MEI4: variants seen among roughly 807,000 people sequenced by gnomAD.
The protein encoded by MEI4 is meiosis-specific protein MEI4.
A neutral mutation model predicts 31.4 loss-of-function variants in MEI4; 27 were observed. The ratio of observed to expected loss-of-function variants is 0.86; its 90% CI spans 0.63 to 1.19. The LOEUF is 1.19. Ranked by LOEUF, MEI4 falls within the 50% of genes most tolerant of loss-of-function variation. MEI4 has a pLI of 0.00. For missense variants in MEI4, 329 were observed against 398.9 expected (o/e 0.82, Z 1.49); for synonymous variants, 122 against 145.4 (o/e 0.84, Z 1.16).
At chr6:77,871,181 G>A (rs557286914) in intron 4 of MEI4, among the ~76,000 whole-genome samples, 1 of 152,024 alleles carries the variant, frequency 6.6e-6, no homozygotes, top group Non-Finnish European at 1.5e-5. Context: ...TAAATGAAGA[G>A]ACCTCAAGTC....
At chr6:77,788,978 G>C (rs776412504) in intron 3 of MEI4, among the ~76,000 whole-genome samples, 20 of 152,140 alleles carry the variant, frequency 1.3e-4, no homozygotes, top group Non-Finnish European at 2.6e-4. Context: ...AAAGCTGGAG[G>C]CATCACACTA....
intron 4 of MEI4, among the ~76,000 whole-genome samples, chr6:77,838,843 C>T (rs1770286589): frequency 6.6e-6 from 1 of 151,588 alleles, no homozygotes; most frequent in Non-Finnish European, 1.5e-5. Context: ...GCAGAGGTTG[C>T]TGTGAACTGA....
chr6:77,806,219 C>T (rs187607606), intron 3 of MEI4, among the ~76,000 whole-genome samples: 56 of 152,096 alleles, frequency 3.7e-4, no homozygotes, highest in Admixed American at 1.8e-3. Flanking sequence ...TTGGGCTTTA[C>T]GAAAAATAAA....
At chr6:77,892,712 G>C (rs1765988873) in intron 4 of MEI4, among the ~76,000 whole-genome samples, 1 of 152,156 alleles carries the variant, frequency 6.6e-6, no homozygotes, top group South Asian at 2.1e-4. Flanking sequence ...CCTCCACTCA[G>C]TCCAGCTGGC....
At chr6:77,922,192 T>C (rs1049983000) in intron 4 of MEI4, among the ~76,000 whole-genome samples, 3 of 151,800 alleles carry the variant, frequency 2.0e-5, no homozygotes, top group Non-Finnish European at 1.5e-5. Flanking sequence ...TTCATTTTTG[T>C]ATTAATACAG....
intron 4 of MEI4, among the ~76,000 whole-genome samples, chr6:77,916,156 G>A (rs1766539774): frequency 6.6e-6 from 1 of 151,892 alleles, no homozygotes; most frequent in Non-Finnish European, 1.5e-5. Flanking sequence ...TTCATATCAT[G>A]AATTACTTTT....
intron 2 of MEI4, among the ~76,000 whole-genome samples, chr6:77,753,872 C>T (rs7450447): frequency 0.15 from 22,642 of 152,046 alleles, 2,049 homozygotes; most frequent in East Asian, 0.4. Context: ...CAATGATAGA[C>T]TGGACAAAGA....
intron 4 of MEI4, among the ~76,000 whole-genome samples, chr6:77,839,446 G>A (rs2127714185): frequency 6.6e-6 from 1 of 151,450 alleles, no homozygotes; most frequent in East Asian, 1.9e-4. Context: ...GTTGGAGAAG[G>A]GCATCCTTAA....
rs1768045411 is a variant in MEI4, at chr6:77,761,519, T to C, written c.622T>C (p.Phe208Leu). 1 of 1,231,998 alleles carries C rather than the reference T, an allele frequency of 8.1e-7. No homozygotes were observed. Among genetic ancestry groups the C allele is most frequent in the Admixed American group, 4.2e-5 (1 of 23,692 alleles). 76.3% of individuals were successfully genotyped at this position (1,231,998 alleles called of 1,614,324 possible). Residue 208 changes from phenylalanine (F) to leucine (L), a missense_variant, in exon 3 of 5, where the codon TTT becomes CTT. Phe to Leu is a conservative substitution (Grantham distance 22). Transcript: ENST00000684080. ...YRNPKLPFSR[F>L]WTEAVGTLAS... ...TAATCCCAAACTTCCTTTTTCAAGA[T>C]TTTGGACAGAAGCTGTTGGTACTTT... is the stretch of plus-strand genomic sequence containing the variant.
chr6:77,910,278 G>A (rs1164610730), intron 4 of MEI4, among the ~76,000 whole-genome samples: 1 of 152,134 alleles, frequency 6.6e-6, no homozygotes, highest in Non-Finnish European at 1.5e-5. Context: ...GTCCCTGTTT[G>A]CAGATGACAT....
intron 4 of MEI4, among the ~76,000 whole-genome samples, chr6:77,920,582 T>C (rs1030351671): frequency 2.0e-5 from 3 of 151,934 alleles, no homozygotes; most frequent in African/African-American, 7.2e-5. Flanking sequence ...TAATGACATC[T>C]AGAATGGTGA....
At chr6:77,821,710 G>T (rs888055454) in intron 3 of MEI4, among the ~76,000 whole-genome samples, 1 of 147,474 alleles carries the variant, frequency 6.8e-6, no homozygotes, top group African/African-American at 2.5e-5. Flanking sequence ...CAGGAGAATC[G>T]CTTGAATCCC....
chr6:77,771,200 C>A (rs1188284535), intron 3 of MEI4, among the ~76,000 whole-genome samples: 1 of 152,034 alleles, frequency 6.6e-6, no homozygotes, highest in East Asian at 1.9e-4. Context: ...CTCAACATTA[C>A]TAATCATTAG....
chr6:77,830,355 GA>G (rs1199003061), intron 4 of MEI4, among the ~76,000 whole-genome samples: 1 of 152,012 alleles, frequency 6.6e-6, no homozygotes, highest in Non-Finnish European at 1.5e-5. Context: ...AGTAAGTGCA[GA>G]AAAAATGATG....
In MEI4 at chr6:77,924,633, G is replaced by T. The variant is rs916133534; in HGVS notation, c.*1287G>T. On this transcript the variant is annotated 3_prime_UTR_variant, in exon 5 of 5. Coordinates refer to ENST00000684080, the MANE Select transcript of MEI4 (RefSeq NM_001322247.2). ...GAATAGGCTTCTTGCTAAAAGTCAG[G>T]CTTTCTTCTCTTCCACATGTGCATA... 1.3e-5 allele frequency: 2 copies of T among 151,782 alleles called. No individual in the cohort carries two copies. The highest frequency in any genetic ancestry group is 6.6e-5 in the Admixed American group (1 of 15,184). 9.4% of individuals were successfully genotyped at this position (151,782 alleles called of 1,614,324 possible).
chr6:77,790,677 A>G (rs2127695697), intron 3 of MEI4, among the ~76,000 whole-genome samples: 1 of 152,306 alleles, frequency 6.6e-6, no homozygotes, highest in African/African-American at 2.4e-5. Context: ...ACCCAAAGAA[A>G]ATTATTTTGA....
chr6:77,714,752 C>G (rs902798179), intron 2 of MEI4, among the ~76,000 whole-genome samples: 1 of 152,138 alleles, frequency 6.6e-6, no homozygotes, highest in African/African-American at 2.4e-5. Context: ...GCTTGGTGCC[C>G]CTGCCTCTGT....
At chr6:77,660,826 A>G (rs2127642138) in intron 1 of MEI4, among the ~76,000 whole-genome samples, 1 of 152,264 alleles carries the variant, frequency 6.6e-6, no homozygotes, top group Admixed American at 6.5e-5. Context: ...GGCGGACGGC[A>G]GTCAGGGTAC....
intron 1 of MEI4, among the ~76,000 whole-genome samples, chr6:77,664,044 G>C (rs1236299330): frequency 6.6e-6 from 1 of 152,220 alleles, no homozygotes; most frequent in Admixed American, 6.5e-5. Flanking sequence ...AGGAGGTTCT[G>C]GAGGAACGCC....
Sources: gnomAD v4.1 joint callset for allele counts (sites outside exome capture counted in the v4.1 genomes callset) on GRCh38, gnomAD v4.1.1 for gene constraint, MANE v1.5 for transcripts, NCBI Gene and HGNC (gene_info 2026-07-23, HGNC 2026-07-21) for gene names.